SIPA1L1: variants seen among roughly 807,000 people sequenced by gnomAD.
The protein encoded by SIPA1L1 is signal induced proliferation associated 1 like 1, also known as signal-induced proliferation-associated 1-like protein 1.
A neutral mutation model predicts 162.7 loss-of-function variants in SIPA1L1; 26 were observed. That is an observed-to-expected ratio of 0.16 (90% CI 0.12 to 0.22). The LOEUF (loss-of-function observed/expected upper bound fraction) is 0.22. Among genes scored for constraint, SIPA1L1 ranks in the 10% least tolerant of loss-of-function variants. The probability of loss-of-function intolerance (pLI) is 1.00; values close to 1 mark genes in which losing one functional copy is unlikely to be tolerated. For missense variants in SIPA1L1, 1,874 were observed against 2,241.0 expected (o/e 0.84, Z 3.31); for synonymous variants, 829 against 837.4 (o/e 0.99, Z 0.17).
chr14:71,603,987 T>TTA (rs1264738168), intron 5 of SIPA1L1, among the ~76,000 whole-genome samples: 8 of 145,178 alleles, frequency 5.5e-5, no homozygotes, highest in Admixed American at 2.8e-4. Context: ...TTATATATAT[T>TTA]TATATATATA....
chr14:71,491,032 TTAAG>T (rs1325231858), intron 2 of SIPA1L1, among the ~76,000 whole-genome samples: 1 of 152,188 alleles, frequency 6.6e-6, no homozygotes, highest in African/African-American at 2.4e-5. Context: ...CACTGAGTGC[TTAAG>T]TAGTTACCCT....
intron 4 of SIPA1L1, among the ~76,000 whole-genome samples, chr14:71,552,461 G>T (rs936124541): frequency 6.7e-6 from 1 of 150,222 alleles, no homozygotes. Context: ...GCACAATCTC[G>T]GCTCACTGCA....
intron 2 of SIPA1L1, among the ~76,000 whole-genome samples, chr14:71,402,252 A>G (rs117135603): frequency 1.6e-3 from 242 of 152,288 alleles, no homozygotes; most frequent in Non-Finnish European, 2.8e-3. Flanking sequence ...TTGAGAGGCA[A>G]TATATTGATG....
chr14:71,389,060 A>G (rs908693363), intron 2 of SIPA1L1, among the ~76,000 whole-genome samples: 4 of 152,182 alleles, frequency 2.6e-5, no homozygotes, highest in Non-Finnish European at 4.4e-5. Flanking sequence ...GATTACAGGC[A>G]TGAGCCACCG....
chr14:71,600,693 A>G (rs2036630005), intron 5 of SIPA1L1, among the ~76,000 whole-genome samples: 1 of 152,168 alleles, frequency 6.6e-6, no homozygotes. Flanking sequence ...CATTTTAATG[A>G]TAATAATTCT....
chr14:71,472,034 T>C (rs1052552161), intron 2 of SIPA1L1, among the ~76,000 whole-genome samples: 4 of 151,252 alleles, frequency 2.6e-5, no homozygotes, highest in African/African-American at 4.9e-5. Flanking sequence ...TTAATAAATA[T>C]CTTTTAAAAT....
intron 2 of SIPA1L1, among the ~76,000 whole-genome samples, chr14:71,409,855 A>G (rs910116219): frequency 1.3e-5 from 2 of 152,110 alleles, no homozygotes; most frequent in African/African-American, 4.8e-5. Context: ...ACAAAACAAA[A>G]CTTTTCATAA....
intron 12 of SIPA1L1, among the ~76,000 whole-genome samples, chr14:71,678,721 C>T (rs933304911): frequency 2.6e-5 from 4 of 151,476 alleles, no homozygotes; most frequent in Admixed American, 2.6e-4. Context: ...ATGGTACCAG[C>T]TCCTCCTTGT....
chr14:71,546,290 CT>C (rs1351659616), intron 4 of SIPA1L1, among the ~76,000 whole-genome samples: 1 of 151,584 alleles, frequency 6.6e-6, no homozygotes, highest in Non-Finnish European at 1.5e-5. Context: ...TTACTTGTTG[CT>C]TTTTCCCCTT....
At chr14:71,493,368 C>T (rs573323882) in intron 2 of SIPA1L1, among the ~76,000 whole-genome samples, 3 of 152,222 alleles carry the variant, frequency 2.0e-5, no homozygotes, top group South Asian at 2.1e-4. Flanking sequence ...GCTGGGATTA[C>T]GGGTGTGAGC....
chr14:71,599,358 C>T (rs990821066), intron 5 of SIPA1L1, among the ~76,000 whole-genome samples: 2 of 151,576 alleles, frequency 1.3e-5, no homozygotes, highest in South Asian at 2.1e-4. Flanking sequence ...CCATGTTGAT[C>T]AGGCTGGTCT....
chr14:71,458,808 C>T (rs1297418729), intron 2 of SIPA1L1, among the ~76,000 whole-genome samples: 1 of 152,068 alleles, frequency 6.6e-6, no homozygotes, highest in Non-Finnish European at 1.5e-5. Context: ...TGGTGTCTCA[C>T]GACTGTAATC....
rs185889858 is a variant in SIPA1L1, at chr14:71,416,761, A to C, written c.-465+95580A>C. On this transcript the variant is annotated intron_variant, in intron 2 of 23. Coordinates refer to ENST00000381232, the MANE Select transcript of SIPA1L1 (RefSeq NM_001386936.1). ...CACACACACACACACACGCATGCAC[A>C]CACACACAACCTTGTATATATATAG... 2.6e-4 allele frequency among the ~76,000 whole-genome samples: 40 copies of C among 151,134 alleles called. No homozygotes were observed. In the East Asian group the frequency reaches 7.3e-3, roughly 28 times the overall value.
At chr14:71,721,119 T>C (rs1368645734) in intron 17 of SIPA1L1, among the ~76,000 whole-genome samples, 1 of 152,240 alleles carries the variant, frequency 6.6e-6, no homozygotes, top group Non-Finnish European at 1.5e-5. Context: ...CAAATGGGAC[T>C]GTTGTGATCT....
At chr14:71,590,794 T>A (rs898589656) in intron 5 of SIPA1L1, among the ~76,000 whole-genome samples, 1 of 152,160 alleles carries the variant, frequency 6.6e-6, no homozygotes, top group African/African-American at 2.4e-5. Context: ...ACTTGGCATT[T>A]GGGGGTGCGA....
chr14:71,620,147 G>T (rs753778974), intron 6 of SIPA1L1, among the ~76,000 whole-genome samples: 1 of 152,174 alleles, frequency 6.6e-6, no homozygotes, highest in Non-Finnish European at 1.5e-5. Flanking sequence ...TTGGCTCACC[G>T]CAACCTTTGT....
At chr14:71,353,417 T>C (rs1238990513) in intron 2 of SIPA1L1, among the ~76,000 whole-genome samples, 1 of 152,154 alleles carries the variant, frequency 6.6e-6, no homozygotes, top group African/African-American at 2.4e-5. Context: ...TAGAAGGACA[T>C]GGCTAGTAAT....
intron 21 of SIPA1L1, 112 bp from the exon 22 acceptor site, chr14:71,735,165 C>G (rs1267277602): frequency 4.2e-6 from 3 of 717,620 alleles, no homozygotes; most frequent in Non-Finnish European, 7.6e-6. Context: ...TCCAGTGCAT[C>G]CTGCACTGGA....
chr14:71,693,116 T>C (rs1177115530), intron 13 of SIPA1L1, among the ~76,000 whole-genome samples: 1 of 152,192 alleles, frequency 6.6e-6, no homozygotes, highest in African/African-American at 2.4e-5. Context: ...ATTTTGCGCA[T>C]ATTTGCATTG....
Sources: gnomAD v4.1 joint callset for allele counts (sites outside exome capture counted in the v4.1 genomes callset) on GRCh38, gnomAD v4.1.1 for gene constraint, MANE v1.5 for transcripts, NCBI Gene and HGNC (gene_info 2026-07-23, HGNC 2026-07-21) for gene names.